Variants in MBP observed in about 807,000 individuals in gnomAD.
MBP encodes the protein Golli-MBP.
In MBP, 16 loss-of-function variants were observed where a neutral mutation model predicts 35.8. That is an observed-to-expected ratio of 0.45 (90% confidence interval 0.30 to 0.68). The LOEUF (loss-of-function observed/expected upper bound fraction) is 0.68, where lower values mean the gene tolerates loss of function less well. MBP is among the 30% of genes least tolerant of loss of function. The pLI is 0.08. For missense variants in MBP, 380 were observed against 404.7 expected (o/e 0.94, Z 0.52); for synonymous variants, 143 against 159.6 (o/e 0.90, Z 0.78).
At chr18:77,057,599 G>A (rs1019889588) in intron 3 of MBP, among the ~76,000 whole-genome samples, 1 of 152,126 alleles carries the variant, frequency 6.6e-6, no homozygotes. Context: ...CGACTGCCAG[G>A]TCCAAATGGA....
At chr18:77,117,254 T>C (rs1568347800) in intron 1 of MBP, among the ~76,000 whole-genome samples, 1 of 152,254 alleles carries the variant, frequency 6.6e-6, no homozygotes, top group Non-Finnish European at 1.5e-5. Flanking sequence ...AAAAATGGCA[T>C]TTAAATGAAT....
In MBP at chr18:76,979,895, CACTCCTTG is replaced by C. The variant is rs1969079287; in HGVS notation, c.*524_*531del. On this transcript the variant is annotated 3_prime_UTR_variant, in exon 9 of 9. Coordinates refer to ENST00000355994, the MANE Select transcript of MBP (RefSeq NM_001025101.2). The stretch of plus-strand genomic sequence containing the variant: ...CCAAAAGCTCCCACATGTAGTAAGC[CACTCCTTG>C]ACTGTCTAATCCTGTTAGGAAAAAT... 1 of 697,180 alleles carries C rather than the reference CACTCCTTG, an allele frequency of 1.4e-6. No individual in the cohort carries two copies. Among genetic ancestry groups the C allele is most frequent in the Admixed American group, 2.1e-5 (1 of 48,746 alleles). The allele number at this position is 697,180 out of a possible 1,614,324, so 43.2% of individuals were successfully genotyped here.
chr18:77,036,957 GACT>G (rs1212938692), intron 3 of MBP, among the ~76,000 whole-genome samples: 1 of 35,248 alleles, frequency 2.8e-5, no homozygotes, highest in African/African-American at 1.1e-4. Context: ...ACATTTTGGA[GACT>G]GAGCTGAGCA....
chr18:77,067,738 GTACCAATTTTCCACCCA>G, intron 2 of MBP: 1 of 461,784 alleles, frequency 2.2e-6, no homozygotes, highest in Non-Finnish European at 4.4e-6. Flanking sequence ...ACTTAAGTTT[GTACCAATTTTCCACCCA>G]ATCTCTCATT....
At chr18:77,004,510 G>A (rs144010297) in intron 4 of MBP, 23 of 152,294 alleles carry the variant, frequency 1.5e-4, no homozygotes, top group African/African-American at 5.3e-4. Context: ...CGGCTCGCAC[G>A]AGTTAATGAA....
chr18:77,001,106 C>T (rs186947814), intron 4 of MBP, among the ~76,000 whole-genome samples: 10 of 152,258 alleles, frequency 6.6e-5, no homozygotes, highest in South Asian at 2.1e-4. Flanking sequence ...TGAGCCTGTC[C>T]GGGTCCCTGC....
At chr18:77,023,506 C>T (rs993267359) in intron 3 of MBP, among the ~76,000 whole-genome samples, 2 of 152,148 alleles carry the variant, frequency 1.3e-5, no homozygotes, top group Admixed American at 1.3e-4. Context: ...CCCTCATCTC[C>T]AGGATCCCTT....
chr18:77,103,562 T>C (rs1801293257), intron 2 of MBP, among the ~76,000 whole-genome samples: 1 of 152,204 alleles, frequency 6.6e-6, no homozygotes, highest in Non-Finnish European at 1.5e-5. Context: ...AATTTCATAA[T>C]CTCTTCCCTC....
chr18:77,062,509 T>TC (rs1171489541), intron 3 of MBP, among the ~76,000 whole-genome samples: 1 of 15,454 alleles, frequency 6.5e-5, no homozygotes, highest in Non-Finnish European at 3.1e-4. Flanking sequence ...CAGAAAGCTG[T>TC]CGAAAAAAAA....
intron 4 of MBP, among the ~76,000 whole-genome samples, chr18:76,991,149 AAAGT>A (rs765373568): frequency 1.3e-5 from 2 of 152,184 alleles, no homozygotes; most frequent in Non-Finnish European, 2.9e-5. Context: ...TCTGCTTCTC[AAAGT>A]AAGTGTCTCA....
intron 3 of MBP, among the ~76,000 whole-genome samples, chr18:77,024,113 T>C (rs1972103513): frequency 6.6e-6 from 1 of 152,266 alleles, no homozygotes; most frequent in African/African-American, 2.4e-5. Context: ...TACTTATTTT[T>C]AAGTCAGCCT....
intron 7 of MBP, chr18:76,985,453 G>C: frequency 2.5e-6 from 3 of 1,190,900 alleles, no homozygotes; most frequent in Admixed American, 3.6e-5. Context: ...AGAGTCCTCG[G>C]CCTTAGTAAA....
chr18:76,991,548 G>T (rs999260821), intron 4 of MBP, among the ~76,000 whole-genome samples: 1 of 152,188 alleles, frequency 6.6e-6, no homozygotes, highest in Non-Finnish European at 1.5e-5. Context: ...AGGGCTGATT[G>T]TGAGTTCTCA....
At chr18:77,111,721 AAG>A (rs895399103) in intron 1 of MBP, among the ~76,000 whole-genome samples, 4 of 152,168 alleles carry the variant, frequency 2.6e-5, no homozygotes, top group African/African-American at 9.7e-5. Context: ...CAGGCTCAGT[AAG>A]AGCTGTAGAC....
chr18:77,088,117 T>C (rs1975340225), intron 2 of MBP, among the ~76,000 whole-genome samples: 1 of 152,182 alleles, frequency 6.6e-6, no homozygotes, highest in Non-Finnish European at 1.5e-5. Context: ...CATGGCCACC[T>C]GGCCTCCGGG....
chr18:77,037,474 G>A (rs1270313234), intron 3 of MBP, among the ~76,000 whole-genome samples: 1 of 152,212 alleles, frequency 6.6e-6, no homozygotes, highest in Non-Finnish European at 1.5e-5. Flanking sequence ...GGCTGGAGGG[G>A]CTGTTTTTAG....
At chr18:77,041,142 G>C (rs1423590210) in intron 3 of MBP, among the ~76,000 whole-genome samples, 2 of 152,320 alleles carry the variant, frequency 1.3e-5, no homozygotes, top group East Asian at 1.9e-4. Flanking sequence ...CTTCTCAAAA[G>C]AAGACATTTA....
At chr18:76,993,936 C>T (rs558765016) in intron 4 of MBP, among the ~76,000 whole-genome samples, 2 of 152,330 alleles carry the variant, frequency 1.3e-5, no homozygotes, top group South Asian at 2.1e-4. Context: ...CTTCATATTC[C>T]AACTCATTCT....
At chr18:77,038,726 T>C (rs1292197384) in intron 3 of MBP, among the ~76,000 whole-genome samples, 1 of 152,378 alleles carries the variant, frequency 6.6e-6, no homozygotes, top group East Asian at 1.9e-4. Flanking sequence ...TATGTATGCA[T>C]ATATGTACAC....
Sources: allele counts gnomAD v4.1 joint callset (sites outside exome capture counted in the v4.1 genomes callset), GRCh38; gene constraint gnomAD v4.1.1; transcripts MANE v1.5; gene names NCBI Gene and HGNC (gene_info 2026-07-23, HGNC 2026-07-21).